Variants in COL19A1 observed in about 807,000 individuals in gnomAD.
COL19A1 encodes collagen alpha-1(XIX) chain.
A neutral mutation model predicts 190.2 loss-of-function variants in COL19A1; 159 were observed. The ratio of observed to expected loss-of-function variants is 0.84; its 90% CI spans 0.73 to 0.95. COL19A1 has a LOEUF of 0.95. Among genes scored for constraint, COL19A1 ranks in the 40% least tolerant of loss-of-function variants. The pLI, the probability that COL19A1 is intolerant of heterozygous loss-of-function variation, is 0.00. For missense variants in COL19A1, 1,418 were observed against 1,431.9 expected (o/e 0.99, Z 0.16); for synonymous variants, 509 against 458.9 (o/e 1.11, Z -1.39).
rs36112821 is a variant in COL19A1 at position 70,207,364 on chromosome 6, C to CTTT, written c.*111_*113dup. 1.1e-3 allele frequency: 188 copies of CTTT among 177,934 alleles called. No individual in the cohort carries two copies. The highest frequency in any genetic ancestry group is 1.9e-3 in the African/African-American group (47 of 24,636). The allele number at this position is 177,934 out of a possible 1,614,324, so 11.0% of individuals were successfully genotyped here. A position where few individuals can be genotyped will look rare whatever the true frequency, so the allele number is the denominator to read the frequency against. On this transcript the variant is annotated 3_prime_UTR_variant, in exon 51 of 51. Coordinates refer to ENST00000620364, the MANE Select transcript of COL19A1 (RefSeq NM_001858.6). ...TCAAACCCTCATCATCTGTGGGTTG[C>CTTT]TTTTTTTTTTTTTTTTTTTTTTTGG...
intron 9 of COL19A1, among the ~76,000 whole-genome samples, chr6:69,953,142 C>A (rs1774216299): frequency 6.6e-6 from 1 of 151,818 alleles, no homozygotes; most frequent in African/African-American, 2.4e-5. Flanking sequence ...AAAAAAAAGA[C>A]AACTTAGCTT....
Position 69,946,913 on chromosome 6 carries a change from G to A in COL19A1, c.936+8813G>A, listed in dbSNP as rs148962543. On this transcript the variant is annotated intron_variant, in intron 9 of 50. Coordinates refer to ENST00000620364, the MANE Select transcript of COL19A1 (RefSeq NM_001858.6). Reference sequence around the variant, plus strand: ...AGGGCTGCCAGAAACTCTCACTGTAGGATTTTGTACATAAAGTTTTACTGG... The same window carrying A: ...AGGGCTGCCAGAAACTCTCACTGTAAGATTTTGTACATAAAGTTTTACTGG... Among the ~76,000 whole-genome samples the A allele has an allele frequency of 3.9e-4, 59 of 151,918 alleles. No individual in the cohort carries two copies. In the East Asian group the frequency reaches 9.9e-3, roughly 25 times the overall value.
intron 17 of COL19A1, among the ~76,000 whole-genome samples, chr6:70,129,096 G>T (rs576675325): frequency 6.6e-6 from 1 of 152,192 alleles, no homozygotes; most frequent in Admixed American, 6.5e-5. Context: ...AGAGATCAGG[G>T]TATGGAATTA....
chr6:70,146,807 C>T lies in COL19A1; in HGVS notation c.1816-5C>T. On this transcript the variant is annotated splice_region_variant and splice_polypyrimidine_tract_variant and intron_variant, in intron 26 of 50. Transcript: ENST00000620364. ...TTGCAGTAACAGAAGCCTTTCATTTCACAGGGTGAAAGAGGACTTCCAGGT... is the reference window on the plus strand; with the variant it reads ...TTGCAGTAACAGAAGCCTTTCATTTTACAGGGTGAAAGAGGACTTCCAGGT... The T allele has an allele frequency of 6.3e-7, 1 of 1,591,978 alleles. No individual in the cohort carries two copies. The highest frequency in any genetic ancestry group is 8.5e-7 in the Non-Finnish European group (1 of 1,171,408).
At chr6:70,121,761 T>C (rs1267202849) in intron 16 of COL19A1, 119 bp from the exon 17 acceptor site, 8 of 647,276 alleles carry the variant, frequency 1.2e-5, no homozygotes, top group Admixed American at 6.2e-5. Context: ...AATATTTGAC[T>C]AAATAGACAA....
intron 15 of COL19A1, chr6:70,098,501 G>A (rs1318294856): frequency 2.1e-6 from 1 of 485,272 alleles, no homozygotes; most frequent in African/African-American, 2.0e-5. Flanking sequence ...CATTCGACCA[G>A]TCCTGGTATT....
intron 15 of COL19A1, among the ~76,000 whole-genome samples, chr6:70,100,810 G>T (rs1382321580): frequency 6.6e-6 from 1 of 152,034 alleles, no homozygotes; most frequent in Non-Finnish European, 1.5e-5. Flanking sequence ...TTTTAAATCT[G>T]TTCTGTAGAT....
At chr6:70,114,565 C>G (rs1016942883) in intron 16 of COL19A1, among the ~76,000 whole-genome samples, 1 of 152,132 alleles carries the variant, frequency 6.6e-6, no homozygotes, top group Non-Finnish European at 1.5e-5. Context: ...TTTTTGTTAT[C>G]ATTATCCTCA....
At chr6:69,943,713 C>T (rs1258947911) in intron 9 of COL19A1, among the ~76,000 whole-genome samples, 1 of 152,134 alleles carries the variant, frequency 6.6e-6, no homozygotes. Flanking sequence ...GTTGTAAATA[C>T]ATGGATTTAT....
chr6:69,969,308 G>A (rs1775290841), intron 11 of COL19A1, among the ~76,000 whole-genome samples: 1 of 152,158 alleles, frequency 6.6e-6, no homozygotes, highest in Non-Finnish European at 1.5e-5. Context: ...GTTAGCTACT[G>A]ATATGTGACA....
chr6:70,024,603 GT>G, intron 12 of COL19A1, among the ~76,000 whole-genome samples: 1 of 150,440 alleles, frequency 6.6e-6, no homozygotes, highest in Non-Finnish European at 1.5e-5. Flanking sequence ...GTGTGTGTGT[GT>G]GTGTGTGTGT....
chr6:70,117,726 T>C (rs542093507), intron 16 of COL19A1, among the ~76,000 whole-genome samples: 2 of 152,296 alleles, frequency 1.3e-5, no homozygotes, highest in South Asian at 4.1e-4. Context: ...AATTGTATAC[T>C]CACCACATTA....
At chr6:70,113,842 C>CTT (rs34876942) in intron 16 of COL19A1, among the ~76,000 whole-genome samples, 121 of 64,108 alleles carry the variant, frequency 1.9e-3, no homozygotes, top group East Asian at 2.9e-3. Context: ...CCAAGTCTTT[C>CTT]TTTTTTTTTT....
intron 6 of COL19A1, 133 bp from the exon 7 acceptor site, chr6:69,932,650 A>T (rs1465999617): frequency 1.7e-6 from 1 of 577,826 alleles, no homozygotes; most frequent in Non-Finnish European, 3.1e-6. Flanking sequence ...TTTAATAAAA[A>T]CATTAAAATA....
chr6:69,932,742 CA>C, intron 6 of COL19A1, 40 bp from the exon 7 acceptor site: 4 of 1,276,232 alleles, frequency 3.1e-6, no homozygotes, highest in Admixed American at 1.9e-5. Flanking sequence ...AATGTGATTC[CA>C]AAAAACTAAA....
chr6:70,110,167 C>T (rs1220928859), intron 16 of COL19A1, among the ~76,000 whole-genome samples: 1 of 152,138 alleles, frequency 6.6e-6, no homozygotes, highest in African/African-American at 2.4e-5. Context: ...CATTTGATCA[C>T]TTGTTAAAAT....
At chr6:69,909,161 T>C (rs1171616743) in intron 4 of COL19A1, among the ~76,000 whole-genome samples, 1 of 152,126 alleles carries the variant, frequency 6.6e-6, no homozygotes, top group African/African-American at 2.4e-5. Flanking sequence ...TACAAACTTA[T>C]CCATTTTCTA....
At chr6:70,190,779 T>C (rs1766814235) in intron 48 of COL19A1, among the ~76,000 whole-genome samples, 1 of 152,196 alleles carries the variant, frequency 6.6e-6, no homozygotes, top group South Asian at 2.1e-4. Context: ...CCAAGGAATA[T>C]TTTGACCAAT....
chr6:69,976,071 G>A (rs1352831270), intron 11 of COL19A1, among the ~76,000 whole-genome samples: 2 of 152,048 alleles, frequency 1.3e-5, no homozygotes, highest in Non-Finnish European at 2.9e-5. Flanking sequence ...CTAGAATTTT[G>A]CTAGGAATCA....
Sources: allele counts gnomAD v4.1 joint callset (sites outside exome capture counted in the v4.1 genomes callset), GRCh38; gene constraint gnomAD v4.1.1; transcripts MANE v1.5; gene names NCBI Gene and HGNC (gene_info 2026-07-23, HGNC 2026-07-21).